The following CREM variants were observed in gnomAD, a reference collection of about 807,000 sequenced individuals.
The protein encoded by CREM is cAMP responsive element modulator.
Under a neutral mutation model 37.3 loss-of-function variants are expected in CREM, and 13 were observed. The observed-to-expected ratio is 0.35, with a 90% confidence interval of 0.23 to 0.55. The LOEUF (loss-of-function observed/expected upper bound fraction) is 0.55, where lower values mean the gene tolerates loss of function less well. Among genes scored for constraint, CREM ranks in the 20% least tolerant of loss-of-function variants. CREM has a pLI of 0.88. For synonymous variants in CREM, 124 were observed against 120.2 expected (o/e 1.03, Z -0.21); for missense variants, 296 against 362.3 (o/e 0.82, Z 1.49).
intron 3 of CREM, among the ~76,000 whole-genome samples, chr10:35,149,010 A>G (rs1365355013): frequency 2.0e-5 from 3 of 152,200 alleles, no homozygotes; most frequent in Non-Finnish European, 4.4e-5. Context: ...AGTTCATCAA[A>G]TATTTATTGA....
chr10:35,187,151 A>ATT (rs1564922207), intron 5 of CREM, among the ~76,000 whole-genome samples: 7 of 71,386 alleles, frequency 9.8e-5, no homozygotes, highest in African/African-American at 4.1e-4. Context: ...TATATAATAT[A>ATT]TATAATATAT....
At chr10:35,191,409 A>G (rs1206823499) in intron 6 of CREM, among the ~76,000 whole-genome samples, 4 of 151,666 alleles carry the variant, frequency 2.6e-5, no homozygotes, top group African/African-American at 7.3e-5. Flanking sequence ...CCTCCCTTCC[A>G]ATCTTTATTC....
At chr10:35,145,463 A>G (rs1023898205) in intron 2 of CREM, among the ~76,000 whole-genome samples, 1 of 152,140 alleles carries the variant, frequency 6.6e-6, no homozygotes, top group Non-Finnish European at 1.5e-5. Flanking sequence ...AGAGCATTTC[A>G]TGGATCACAT....
chr10:35,206,270 G>C (rs1482166537), intron 6 of CREM, among the ~76,000 whole-genome samples: 1 of 150,930 alleles, frequency 6.6e-6, no homozygotes, highest in Non-Finnish European at 1.5e-5. Context: ...ATATGTGTGT[G>C]TATAAATATG....
chr10:35,175,774 GA>G, intron 3 of CREM: 1 of 1,613,984 alleles, frequency 6.2e-7, no homozygotes. Context: ...TCATATTAGT[GA>G]GTGGTATTAC....
intron 3 of CREM, chr10:35,167,866 A>G: frequency 7.2e-7 from 1 of 1,395,296 alleles, no homozygotes; most frequent in Non-Finnish European, 1.0e-6. Flanking sequence ...AGGGGTAAAA[A>G]TTGTGAAATA....
At chr10:35,187,369 C>G (rs985427655) in intron 5 of CREM, among the ~76,000 whole-genome samples, 1 of 147,678 alleles carries the variant, frequency 6.8e-6, no homozygotes, top group East Asian at 2.0e-4. Flanking sequence ...AAGTGATTCT[C>G]CTGTCTCAGC....
At chr10:35,201,251 G>C (rs769308345) in intron 6 of CREM, among the ~76,000 whole-genome samples, 3 of 152,102 alleles carry the variant, frequency 2.0e-5, no homozygotes, top group Non-Finnish European at 4.4e-5. Flanking sequence ...ATGTATTTAT[G>C]GATGTTATAT....
At chr10:35,152,625 G>T (rs1398067414) in intron 3 of CREM, among the ~76,000 whole-genome samples, 2 of 152,150 alleles carry the variant, frequency 1.3e-5, no homozygotes, top group Non-Finnish European at 2.9e-5. Flanking sequence ...ATGGAAGCTG[G>T]TATCTTATTT....
chr10:35,163,017 C>T (rs1285306343), intron 3 of CREM, among the ~76,000 whole-genome samples: 4 of 151,302 alleles, frequency 2.6e-5, no homozygotes, highest in Non-Finnish European at 5.9e-5. Flanking sequence ...TCAAGACCAG[C>T]CTGGGTCAAG....
chr10:35,206,154 A>AGCTACTCG (rs1374900391), intron 6 of CREM, among the ~76,000 whole-genome samples: 1 of 152,100 alleles, frequency 6.6e-6, no homozygotes, highest in East Asian at 1.9e-4. Context: ...AGGCTGAGGC[A>AGCTACTCG]GGAGAATGGC....
chr10:35,209,380 G>A, intron 7 of CREM: 3 of 985,086 alleles, frequency 3.0e-6, no homozygotes, highest in Non-Finnish European at 3.6e-6. Flanking sequence ...ACACATGCAA[G>A]CCTGAAAACC....
intron 3 of CREM, among the ~76,000 whole-genome samples, chr10:35,152,640 A>T (rs978769537): frequency 2.0e-5 from 3 of 152,198 alleles, no homozygotes; most frequent in Non-Finnish European, 2.9e-5. Flanking sequence ...TTATTTATTA[A>T]GTACGTGTGT....
At chr10:35,171,783 C>T (rs1460353692) in intron 3 of CREM, among the ~76,000 whole-genome samples, 3 of 152,294 alleles carry the variant, frequency 2.0e-5, no homozygotes, top group Non-Finnish European at 2.9e-5. Context: ...AAGAGTAAAA[C>T]ATTGAGAGCC....
rs2090794994 is a variant in CREM, at chr10:35,137,766, T to C, written c.-54-16T>C. 8.1e-7 allele frequency: 1 copy of C among 1,241,084 alleles called. No homozygotes were observed. Among genetic ancestry groups the C allele is most frequent in the South Asian group, 1.5e-5 (1 of 64,668 alleles). The allele number at this position is 1,241,084 out of a possible 1,614,324, so 76.9% of individuals were successfully genotyped here. ...ATGTTACGATCTCCCAATTCAACAT[T>C]ATAATTTTACTGCAGGATAAATAAA... On this transcript the variant is annotated splice_polypyrimidine_tract_variant and intron_variant, in intron 1 of 7. Coordinates refer to ENST00000685392, the MANE Select transcript of CREM (RefSeq NM_183011.2).
intron 6 of CREM, among the ~76,000 whole-genome samples, chr10:35,189,473 T>G (rs1041659296): frequency 1.3e-5 from 2 of 152,032 alleles, no homozygotes; most frequent in South Asian, 4.1e-4. Context: ...AGCACTATTT[T>G]TTAAAAATTT....
Position 35,164,529 on chromosome 10 carries a change from C to A in CREM, c.169-14360C>A, listed in dbSNP as rs1386927112. Reference sequence around the variant, plus strand: ...CTTAATTTAGGTACTTTAGATTTCTCCTAGATATTTTAAAACATTGCTGGC... The same window carrying A: ...CTTAATTTAGGTACTTTAGATTTCTACTAGATATTTTAAAACATTGCTGGC... On this transcript the variant is annotated intron_variant, in intron 3 of 7. Transcript: ENST00000685392. 2.0e-5 allele frequency among the ~76,000 whole-genome samples: 3 copies of A among 152,120 alleles called. No homozygotes were observed. The East Asian group carries it at 5.8e-4, about 29-fold the overall frequency.
At chr10:35,176,363 G>A (rs958362956) in intron 3 of CREM, among the ~76,000 whole-genome samples, 7 of 151,450 alleles carry the variant, frequency 4.6e-5, no homozygotes, top group African/African-American at 1.7e-4. Flanking sequence ...GATAAACACA[G>A]TAATATAAAG....
At chr10:35,188,524 A>T in intron 6 of CREM, 136 bp downstream of exon 6, 1 of 660,844 alleles carries the variant, frequency 1.5e-6, no homozygotes, top group Non-Finnish European at 2.3e-6. Flanking sequence ...AAAGGCTTAC[A>T]GAAGAAATAT....
Sources: gnomAD v4.1 joint callset for allele counts (sites outside exome capture counted in the v4.1 genomes callset) on GRCh38, gnomAD v4.1.1 for gene constraint, MANE v1.5 for transcripts, NCBI Gene and HGNC (gene_info 2026-07-23, HGNC 2026-07-21) for gene names.